The following PHIP variants were observed in gnomAD, a reference collection of about 807,000 sequenced individuals.
PHIP encodes the protein PH-interacting protein.
PHIP carries 54 observed loss-of-function variants against 236.8 expected under a neutral mutation model. The observed-to-expected ratio is 0.23, with a 90% confidence interval of 0.18 to 0.29. The LOEUF (loss-of-function observed/expected upper bound fraction) is 0.29. PHIP is among the 10% of genes least tolerant of loss of function. The pLI, the probability that PHIP is intolerant of heterozygous loss-of-function variation, is 1.00. For synonymous variants in PHIP, 756 were observed against 718.9 expected (o/e 1.05, Z -0.83); for missense variants, 1,370 against 2,190.8 (o/e 0.63, Z 7.48).
intron 4 of PHIP, among the ~76,000 whole-genome samples, chr6:79,072,768 T>C (rs993969782): frequency 6.6e-6 from 1 of 152,196 alleles, no homozygotes; most frequent in African/African-American, 2.4e-5. Flanking sequence ...TGGACTCTTC[T>C]GAAGTTTTAA....
Position 79,048,807 on chromosome 6 carries a change from A to T in PHIP, c.440-5804T>A, listed in dbSNP as rs376638387. Reference sequence around the variant, plus strand: ...CAGTGCTTACAACTTCTGCCAACTCATGAAAGCAGAGCCCTGCTGGCAGCC... The same window carrying T: ...CAGTGCTTACAACTTCTGCCAACTCTTGAAAGCAGAGCCCTGCTGGCAGCC... On this transcript the variant is annotated intron_variant, in intron 6 of 39. Transcript: ENST00000275034. 7.9e-5 allele frequency among the ~76,000 whole-genome samples: 12 copies of T among 152,318 alleles called. 1 individual carries two copies. The South Asian group carries it at 8.3e-4, about 11-fold the overall frequency.
chr6:79,074,708 A>G (rs889643998), intron 4 of PHIP, among the ~76,000 whole-genome samples: 2 of 152,098 alleles, frequency 1.3e-5, no homozygotes, highest in Admixed American at 1.3e-4. Flanking sequence ...AGATACGACC[A>G]TTTCCTTTCT....
At position 78,960,465 on chromosome 6, in the gene PHIP, T is replaced by C. The variant is rs532261102; in HGVS notation, c.3656+1225A>G. ...TTAGGAATTCCTTTTTTTTTTTTTTTTCTCTTAAACTTCCAACACCTGATA... is the reference window on the plus strand; with the variant it reads ...TTAGGAATTCCTTTTTTTTTTTTTTCTCTCTTAAACTTCCAACACCTGATA... On this transcript the variant is annotated intron_variant, in intron 31 of 39. Coordinates refer to ENST00000275034, the MANE Select transcript of PHIP (RefSeq NM_017934.7). Among the ~76,000 whole-genome samples the C allele has an allele frequency of 1.0e-3, 153 of 151,994 alleles. 1 individual carries two copies. The highest frequency in any genetic ancestry group is 2.8e-3 in the Admixed American group (42 of 15,252).
rs1188168033 is a variant in PHIP, at chr6:78,946,142, T to C, written c.4489A>G (p.Lys1497Glu). Reference protein sequence around the residue: ...PRHNAAQINGKTESSSVVRTR... With the variant: ...PRHNAAQINGETESSSVVRTR... ...CGAACCACAGAACTAGATTCTGTTTTACCGTTTATCTGAGCAGCATTGTGT... is the reference window on the plus strand; with the variant it reads ...CGAACCACAGAACTAGATTCTGTTTCACCGTTTATCTGAGCAGCATTGTGT... The change falls in exon 38 of 40, where the codon AAA (lysine) becomes GAA (glutamate). Residue 1497 changes from lysine (K) to glutamate (E), a missense_variant. By Grantham distance (56) the Lys-to-Glu change is moderately conservative. Transcript: ENST00000275034. 6.2e-7 allele frequency: 1 copy of C among 1,614,160 alleles called. No individual in the cohort carries two copies. Among genetic ancestry groups the C allele is most frequent in the Admixed American group, 1.7e-5 (1 of 60,026 alleles).
At chr6:79,055,042 T>C (rs1773002167) in intron 6 of PHIP, among the ~76,000 whole-genome samples, 1 of 152,016 alleles carries the variant, frequency 6.6e-6, no homozygotes, top group African/African-American at 2.4e-5. Flanking sequence ...CCCTCAAACA[T>C]GTTTAAGAAT....
intron 14 of PHIP, 82 bp from the exon 15 acceptor site, chr6:79,015,298 C>T: frequency 1.8e-6 from 2 of 1,111,688 alleles, no homozygotes; most frequent in South Asian, 2.8e-5. Context: ...CAATATGGCA[C>T]TATTTCTAGA....
chr6:78,949,837 C>T (rs566887436), intron 35 of PHIP, among the ~76,000 whole-genome samples: 36 of 151,962 alleles, frequency 2.4e-4, no homozygotes, highest in Admixed American at 3.3e-4. Flanking sequence ...TATAGGTGCA[C>T]GCCACTGCAC....
intron 24 of PHIP, among the ~76,000 whole-genome samples, chr6:78,974,139 C>T: frequency 6.6e-6 from 1 of 151,950 alleles, no homozygotes; most frequent in Non-Finnish European, 1.5e-5. Flanking sequence ...AAGCTCTCCT[C>T]AGCAAATGTA....
chr6:78,961,342 G>A (rs924725435), intron 31 of PHIP, among the ~76,000 whole-genome samples: 5 of 151,768 alleles, frequency 3.3e-5, no homozygotes, highest in African/African-American at 1.2e-4. Flanking sequence ...ATATTTTAAT[G>A]TTATCTAGGA....
chr6:78,942,158 T>G (rs1467400134), intron 39 of PHIP, among the ~76,000 whole-genome samples: 1 of 152,182 alleles, frequency 6.6e-6, no homozygotes, highest in African/African-American at 2.4e-5. Context: ...GCATTTTTGG[T>G]CACAGGTTGG....
intron 31 of PHIP, 72 bp downstream of exon 31, chr6:78,961,618 G>A (rs924248914): frequency 2.0e-6 from 3 of 1,501,016 alleles, no homozygotes; most frequent in African/African-American, 2.8e-5. Context: ...GAGAAACACT[G>A]CTAAAGATCA....
At chr6:78,946,638 T>TA in intron 37 of PHIP, 73 bp downstream of exon 37, 6 of 1,471,150 alleles carry the variant, frequency 4.1e-6, no homozygotes, top group African/African-American at 1.5e-5. Context: ...AAGGAAGTAT[T>TA]AAAAAACACC....
rs1477549315 is a variant in PHIP at position 78,936,978 on chromosome 6, AGT to A, written c.*3713_*3714del. The A allele has an allele frequency of 2.6e-5, 4 of 151,846 alleles. No homozygotes were observed. The highest frequency in any genetic ancestry group is 9.7e-5 in the African/African-American group (4 of 41,436). The allele number at this position is 151,846 out of a possible 1,614,324, so 9.4% of individuals were successfully genotyped here. On this transcript the variant is annotated 3_prime_UTR_variant, in exon 40 of 40. Transcript: ENST00000275034. ...TAATGGGAAAATAAATTCTTGCCTA[AGT>A]GTAACAAAACCACTGCTCAATCTGT...
rs1348160758 is a variant in PHIP, at chr6:78,937,291, A to G, written c.*3402T>C. Reference sequence around the variant, plus strand: ...ATATATGTATAAAATGGAATGTCAGAATTGAAGTAAACATTGTTAACTGGA... The same window carrying G: ...ATATATGTATAAAATGGAATGTCAGGATTGAAGTAAACATTGTTAACTGGA... On this transcript the variant is annotated 3_prime_UTR_variant, in exon 40 of 40. Coordinates refer to ENST00000275034, the MANE Select transcript of PHIP (RefSeq NM_017934.7). 6.6e-6 allele frequency: 1 copy of G among 151,788 alleles called. No individual in the cohort carries two copies. Among genetic ancestry groups the G allele is most frequent in the Non-Finnish European group, 1.5e-5 (1 of 67,664 alleles). 9.4% of individuals were successfully genotyped at this position (151,788 alleles called of 1,614,324 possible). A position where few individuals can be genotyped will look rare whatever the true frequency, so the allele number is the denominator to read the frequency against.
rs1013999818 is a variant in PHIP, at chr6:79,015,693, T to C, written c.1326A>G (p.Ala442=). 6.2e-7 allele frequency: 1 copy of C among 1,606,486 alleles called. No individual in the cohort carries two copies. The highest frequency in any genetic ancestry group is 2.2e-5 in the East Asian group (1 of 44,752). The change falls in exon 14 of 40, where the codon GCA becomes GCG. Residue 442 remains alanine, a synonymous_variant. Coordinates refer to ENST00000275034, the MANE Select transcript of PHIP (RefSeq NM_017934.7). ...AAACTTTCAGAGTCATGTTATTAAC[T>C]GCAGTTATAACTGTATTGTCATGTC... The part of the protein sequence containing the change: ...WDRHDNTVIT[A]VNNMTLKVWN...
chr6:79,063,524 C>T lies in PHIP; in HGVS notation c.190-2706G>A, dbSNP rs1182847654. Reference sequence around the variant, plus strand: ...CTCCGCCTCCCAGGTTCAAGTGATTCTCCTGCCTCGCCTCCCGAGTAGCTG... The same window carrying T: ...CTCCGCCTCCCAGGTTCAAGTGATTTTCCTGCCTCGCCTCCCGAGTAGCTG... On this transcript the variant is annotated intron_variant, in intron 4 of 39. Transcript: ENST00000275034. Among the ~76,000 whole-genome samples the T allele has an allele frequency of 6.6e-5, 10 of 152,274 alleles. No homozygotes were observed. The South Asian group carries it at 1.2e-3, about 19-fold the overall frequency.
chr6:79,046,049 G>A lies in PHIP; in HGVS notation c.440-3046C>T, dbSNP rs574506207. On this transcript the variant is annotated intron_variant, in intron 6 of 39. Coordinates refer to ENST00000275034, the MANE Select transcript of PHIP (RefSeq NM_017934.7). ...ACTGCAATGCTCTTCATTTCATTCA[G>A]AATAAACACCAACTTCCTGATACAT... Among the ~76,000 whole-genome samples, 141 of 152,184 alleles carry A rather than the reference G, an allele frequency of 9.3e-4. 1 individual carries two copies. Among genetic ancestry groups the A allele is most frequent in the Middle Eastern group, 3.4e-3 (1 of 294 alleles).
At chr6:79,076,450 G>A (rs1212049350) in intron 4 of PHIP, among the ~76,000 whole-genome samples, 2 of 152,102 alleles carry the variant, frequency 1.3e-5, no homozygotes, top group African/African-American at 2.4e-5. Context: ...TTCACACAAC[G>A]AACCTGTATC....
At chr6:78,979,857 T>C (rs1375216379) in intron 23 of PHIP, among the ~76,000 whole-genome samples, 2 of 152,026 alleles carry the variant, frequency 1.3e-5, no homozygotes, top group Non-Finnish European at 2.9e-5. Flanking sequence ...TGCCATAACA[T>C]GATATCAGAG....
Sources: allele counts gnomAD v4.1 joint callset (sites outside exome capture counted in the v4.1 genomes callset), GRCh38; gene constraint gnomAD v4.1.1; transcripts MANE v1.5; gene names NCBI Gene and HGNC (gene_info 2026-07-23, HGNC 2026-07-21).